NEK11: variants seen among roughly 807,000 people sequenced by gnomAD.
NEK11 encodes serine/threonine-protein kinase Nek11.
NEK11 carries 72 observed loss-of-function variants against 80.7 expected under a neutral mutation model. The observed-to-expected ratio is 0.89, with a 90% confidence interval of 0.74 to 1.08. The LOEUF is 1.08. Among genes scored for constraint, NEK11 ranks in the 50% least tolerant of loss-of-function variants. NEK11 has a pLI of 0.00. For missense variants in NEK11, 764 were observed against 763.6 expected (o/e 1.00, Z -0.01); for synonymous variants, 251 against 260.7 (o/e 0.96, Z 0.36).
rs1318681405 is a variant in NEK11, at chr3:131,349,941, A to C, written c.*165A>C. On this transcript the variant is annotated 3_prime_UTR_variant, in exon 18 of 18. Coordinates refer to ENST00000383366, the MANE Select transcript of NEK11 (RefSeq NM_024800.5). ...CTGGCTTCTTTAGAGAGTAGTAAGC[A>C]TGGCTGCCTATGCTTGGAGTCATAA... The C allele has an allele frequency of 3.3e-6, 2 of 608,594 alleles. No homozygotes were observed. The highest frequency in any genetic ancestry group is 5.8e-6 in the Non-Finnish European group (2 of 346,018). The allele number at this position is 608,594 out of a possible 1,614,324, so 37.7% of individuals were successfully genotyped here. A position where few individuals can be genotyped will look rare whatever the true frequency, so the allele number is the denominator to read the frequency against.
intron 16 of NEK11, among the ~76,000 whole-genome samples, chr3:131,261,240 C>T (rs531270914): frequency 6.6e-6 from 1 of 152,318 alleles, no homozygotes; most frequent in South Asian, 2.1e-4. Context: ...TTAGGAAACA[C>T]AGCATCCAAT....
intron 17 of NEK11, among the ~76,000 whole-genome samples, chr3:131,303,235 T>TG (rs2096681724): frequency 6.6e-6 from 1 of 152,202 alleles, no homozygotes. Context: ...GCATGTGAGA[T>TG]GGGTCTTTTG....
intron 17 of NEK11, among the ~76,000 whole-genome samples, chr3:131,339,025 A>G (rs1020829512): frequency 1.3e-5 from 2 of 152,068 alleles, no homozygotes; most frequent in Non-Finnish European, 2.9e-5. Context: ...AAAATAAAAG[A>G]GGGAATCCCA....
intron 17 of NEK11, chr3:131,330,926 A>AGGGGG (rs71907953): frequency 8.2e-4 from 103 of 125,720 alleles, no homozygotes; most frequent in South Asian, 1.6e-3. Context: ...GAGAGAAGGA[A>AGGGGG]GGGGGGGGGG....
chr3:131,081,237 A>T (rs983639108), intron 4 of NEK11, among the ~76,000 whole-genome samples: 26 of 152,210 alleles, frequency 1.7e-4, no homozygotes, highest in South Asian at 4.1e-4. Context: ...GCTCTAACAG[A>T]TGCTTGGTTA....
intron 16 of NEK11, among the ~76,000 whole-genome samples, chr3:131,255,734 G>A (rs2108373656): frequency 6.6e-6 from 1 of 152,168 alleles, no homozygotes; most frequent in South Asian, 2.1e-4. Flanking sequence ...AAAGTTGTAT[G>A]CCATACTATG....
At chr3:131,091,634 T>A (rs2076745338) in intron 4 of NEK11, among the ~76,000 whole-genome samples, 1 of 152,200 alleles carries the variant, frequency 6.6e-6, no homozygotes, top group African/African-American at 2.4e-5. Flanking sequence ...TAACACAGTT[T>A]AAAAATGACA....
intron 14 of NEK11, among the ~76,000 whole-genome samples, chr3:131,208,006 T>C (rs1007668929): frequency 7.2e-5 from 11 of 152,244 alleles, no homozygotes; most frequent in East Asian, 1.9e-4. Flanking sequence ...TTTATTGCCA[T>C]TGCTTTTGGT....
At chr3:131,319,123 T>G (rs944556334) in intron 17 of NEK11, among the ~76,000 whole-genome samples, 1 of 152,176 alleles carries the variant, frequency 6.6e-6, no homozygotes. Flanking sequence ...TACTAGTTCA[T>G]AGATGTGACC....
chr3:131,323,497 TCCC>T (rs1335393774), intron 17 of NEK11, among the ~76,000 whole-genome samples: 1 of 152,264 alleles, frequency 6.6e-6, no homozygotes, highest in African/African-American at 2.4e-5. Flanking sequence ...CCTGTCTCCT[TCCC>T]CCATCTTCCT....
chr3:131,110,792 C>T (rs1189670183), intron 5 of NEK11, among the ~76,000 whole-genome samples: 2 of 152,110 alleles, frequency 1.3e-5, no homozygotes, highest in African/African-American at 2.4e-5. Context: ...TCTGTACTTT[C>T]TGACAGCATA....
intron 14 of NEK11, among the ~76,000 whole-genome samples, chr3:131,217,304 G>A (rs756182760): frequency 9.9e-5 from 15 of 152,118 alleles, no homozygotes; most frequent in Non-Finnish European, 1.9e-4. Context: ...AATAGTGCCG[G>A]GGAAGGCATG....
At chr3:131,067,665 A>C (rs773425009) in intron 3 of NEK11, among the ~76,000 whole-genome samples, 7 of 152,146 alleles carry the variant, frequency 4.6e-5, no homozygotes, top group Non-Finnish European at 1.0e-4. Context: ...TTTGTGTTCT[A>C]TTCTTGCTGG....
intron 7 of NEK11, among the ~76,000 whole-genome samples, chr3:131,138,997 C>T (rs567957720): frequency 6.6e-6 from 1 of 152,152 alleles, no homozygotes; most frequent in South Asian, 2.1e-4. Context: ...AGTGTCAAGA[C>T]CAACCAGGAA....
intron 17 of NEK11, among the ~76,000 whole-genome samples, chr3:131,284,232 T>C (rs1368470145): frequency 2.6e-5 from 4 of 152,362 alleles, no homozygotes; most frequent in South Asian, 4.1e-4. Flanking sequence ...GAATGACTTA[T>C]CATCTTTCTC....
intron 16 of NEK11, among the ~76,000 whole-genome samples, chr3:131,265,912 G>C (rs1302866484): frequency 6.6e-6 from 1 of 152,150 alleles, no homozygotes; most frequent in African/African-American, 2.4e-5. Flanking sequence ...GGTCTATTCA[G>C]GGATTTAACT....
At chr3:131,030,299 A>T (rs1441905301) in intron 3 of NEK11, among the ~76,000 whole-genome samples, 4 of 152,162 alleles carry the variant, frequency 2.6e-5, no homozygotes, top group Non-Finnish European at 4.4e-5. Context: ...AGTATTTCAT[A>T]AATATAGGTA....
intron 4 of NEK11, among the ~76,000 whole-genome samples, chr3:131,094,496 G>A (rs2077161815): frequency 6.6e-6 from 1 of 152,166 alleles, no homozygotes; most frequent in Non-Finnish European, 1.5e-5. Flanking sequence ...AGGCAATACA[G>A]TCAATTCAGT....
intron 14 of NEK11, chr3:131,174,720 AG>A: frequency 2.5e-6 from 4 of 1,583,226 alleles, no homozygotes; most frequent in Non-Finnish European, 3.4e-6. Context: ...AATTTTTGCC[AG>A]GAACTTCTTT....
Sources: allele counts gnomAD v4.1 joint callset (sites outside exome capture counted in the v4.1 genomes callset), GRCh38; gene constraint gnomAD v4.1.1; transcripts MANE v1.5; gene names NCBI Gene and HGNC (gene_info 2026-07-23, HGNC 2026-07-21).